MROH1: variants seen among roughly 807,000 people sequenced by gnomAD.
MROH1 encodes the protein maestro heat like repeat family member 1.
In MROH1, 117 loss-of-function variants were observed where a neutral mutation model predicts 116.5. The observed-to-expected ratio is 1.00, with a 90% CI of 0.86 to 1.17. The LOEUF (loss-of-function observed/expected upper bound fraction) is 1.17, where lower values mean the gene tolerates loss of function less well. Among genes scored for constraint, MROH1 ranks in the 50% most tolerant of loss-of-function variants. The probability of loss-of-function intolerance (pLI) is 0.00; values close to 1 mark genes in which losing one functional copy is unlikely to be tolerated. For missense variants in MROH1, 1,873 were observed against 1,338.5 expected, an observed-to-expected ratio of 1.40 and a Z score of -6.23; for synonymous variants, 921 against 583.9, an observed-to-expected ratio of 1.58 and a Z score of -8.32.
chr8:144,208,973 C>T (rs1008317582), intron 12 of MROH1, among the ~76,000 whole-genome samples: 2 of 151,948 alleles, frequency 1.3e-5, no homozygotes, highest in African/African-American at 4.8e-5. Flanking sequence ...ATCCACCTGC[C>T]TCAGCCTCCC....
intron 10 of MROH1, among the ~76,000 whole-genome samples, chr8:144,196,328 A>G (rs1447163007): frequency 1.3e-5 from 2 of 150,572 alleles, no homozygotes; most frequent in African/African-American, 4.9e-5. Context: ...TTGTTTTCTC[A>G]GTTCTCCCAA....
intron 13 of MROH1, among the ~76,000 whole-genome samples, chr8:144,221,536 G>A (rs35448156): frequency 4.2e-4 from 64 of 152,164 alleles, no homozygotes; most frequent in Non-Finnish European, 7.8e-4. Flanking sequence ...TCCAGCCTTT[G>A]TGCTGGGCCT....
intron 10 of MROH1, among the ~76,000 whole-genome samples, chr8:144,193,451 CCT>C (rs1271949169): frequency 6.6e-6 from 1 of 152,166 alleles, no homozygotes; most frequent in Non-Finnish European, 1.5e-5. Flanking sequence ...TCCAGAGCTA[CCT>C]CTTTCATTCT....
Position 144,223,040 on chromosome 8 carries a change from T to C in MROH1, c.1216-68T>C, listed in dbSNP as rs549782707. ...GGTGGGAGGAAGACTGAGGTTCCTC[T>C]CTGCTGGCTGGACTGGCATGGCAGT... On this transcript the variant is annotated intron_variant, in intron 13 of 43. Coordinates refer to ENST00000326134, the MANE Select transcript of MROH1 (RefSeq NM_032450.3). The C allele has an allele frequency of 1.4e-5, 22 of 1,598,170 alleles. No individual in the cohort carries two copies. In the African/African-American group the frequency reaches 2.4e-4, roughly 17 times the overall value.
intron 1 of MROH1, among the ~76,000 whole-genome samples, chr8:144,149,208 A>G (rs1816150752): frequency 6.6e-6 from 1 of 152,140 alleles, no homozygotes; most frequent in Non-Finnish European, 1.5e-5. Context: ...ACGTGGCTGC[A>G]TGGACAGTCT....
At chr8:144,227,771 G>A (rs1263703038) in intron 14 of MROH1, among the ~76,000 whole-genome samples, 7 of 151,852 alleles carry the variant, frequency 4.6e-5, no homozygotes, top group Admixed American at 2.0e-4. Flanking sequence ...GCAACATAGC[G>A]AGACCTTATC....
chr8:144,192,320 G>T lies in MROH1; in HGVS notation c.867G>T (p.Gln289His). The change falls in exon 10 of 44, where the codon CAG (glutamine) becomes CAT (histidine). Residue 289 changes from glutamine (Q) to histidine (H), a missense_variant. Transcript: ENST00000326134. ...ETFYLSKSLGQILEAAVSVGS... is the reference protein window; with the variant it reads ...ETFYLSKSLGHILEAAVSVGS... ...CCTACCCGGAGCAGAGCCTGGGCCA[G>T]ATCCTCGAGGCAGCTGTGAGTGTGG... is the stretch of plus-strand genomic sequence containing the variant. 1 of 1,595,368 alleles carries T rather than the reference G, an allele frequency of 6.3e-7. No homozygotes were observed. Among genetic ancestry groups the T allele is most frequent in the Non-Finnish European group, 8.5e-7 (1 of 1,173,686 alleles).
chr8:144,226,686 G>A (rs1026843550), intron 14 of MROH1, among the ~76,000 whole-genome samples: 5 of 151,020 alleles, frequency 3.3e-5, no homozygotes, highest in African/African-American at 1.2e-4. Flanking sequence ...CTCCTGGCCT[G>A]AAGTGATCCA....
chr8:144,161,760 G>T (rs1467680375), intron 2 of MROH1, among the ~76,000 whole-genome samples: 1 of 152,204 alleles, frequency 6.6e-6, no homozygotes, highest in East Asian at 1.9e-4. Context: ...CACTGGAAGG[G>T]GTGCTGCACG....
At chr8:144,168,857 C>A (rs962978649) in intron 4 of MROH1, among the ~76,000 whole-genome samples, 1 of 152,198 alleles carries the variant, frequency 6.6e-6, no homozygotes, top group East Asian at 1.9e-4. Context: ...AAGGGCCCGG[C>A]GCTGCTGGTC....
At chr8:144,192,264 C>T (rs779881974) in intron 9 of MROH1, 45 bp from the exon 10 acceptor site, 9 of 1,501,898 alleles carry the variant, frequency 6.0e-6, no homozygotes, top group Admixed American at 2.0e-5. Context: ...TCAGTTCGGG[C>T]GGCTGGAGGT....
intron 10 of MROH1, among the ~76,000 whole-genome samples, chr8:144,197,537 G>A (rs1025100050): frequency 2.2e-5 from 3 of 138,412 alleles, no homozygotes; most frequent in Non-Finnish European, 4.6e-5. Flanking sequence ...CCCGGTTCAC[G>A]CCATTCTCCT....
At chr8:144,230,698 G>T (rs1838688563) in intron 14 of MROH1, among the ~76,000 whole-genome samples, 1 of 151,360 alleles carries the variant, frequency 6.6e-6, no homozygotes, top group South Asian at 2.1e-4. Context: ...TTTTTTGGAG[G>T]AGTTTGAGAA....
intron 14 of MROH1, among the ~76,000 whole-genome samples, chr8:144,225,910 GTTT>G (rs764956904): frequency 9.1e-5 from 8 of 87,554 alleles, no homozygotes; most frequent in Admixed American, 3.1e-4. Context: ...TTCATTTTTA[GTTT>G]TTTTTTTTTT....
At chr8:144,152,339 CAT>C (rs1436145791) in intron 1 of MROH1, among the ~76,000 whole-genome samples, 4 of 151,914 alleles carry the variant, frequency 2.6e-5, no homozygotes, top group Non-Finnish European at 4.4e-5. Flanking sequence ...GTCATTTTCT[CAT>C]ATATATTATG....
intron 12 of MROH1, chr8:144,212,928 C>G: frequency 2.8e-6 from 2 of 725,756 alleles, no homozygotes; most frequent in East Asian, 2.5e-5. Flanking sequence ...TCTCAGGAAT[C>G]CAGTTCTCAA....
chr8:144,242,645 T>C lies in MROH1; in HGVS notation c.2352+17T>C. 1.3e-6 allele frequency: 1 copy of C among 779,110 alleles called. No homozygotes were observed. The highest frequency in any genetic ancestry group is 2.4e-5 in the East Asian group (1 of 41,222). 48.3% of individuals were successfully genotyped at this position (779,110 alleles called of 1,614,324 possible). A position where few individuals can be genotyped will look rare whatever the true frequency, so the allele number is the denominator to read the frequency against. Reference sequence around the variant, plus strand: ...GAAACCAAGGTACAGTGTGTAGGAATTAAGTGCTGGACTGGCTTCTCTCCT... The same window carrying C: ...GAAACCAAGGTACAGTGTGTAGGAACTAAGTGCTGGACTGGCTTCTCTCCT... On this transcript the variant is annotated intron_variant, in intron 24 of 43. Coordinates refer to ENST00000326134, the MANE Select transcript of MROH1 (RefSeq NM_032450.3).
Position 144,179,542 on chromosome 8 carries a change from A to G in MROH1, c.256A>G (p.Ser86Gly), listed in dbSNP as rs1417442383. The G allele has an allele frequency of 6.2e-7, 1 of 1,613,422 alleles. No homozygotes were observed. Among genetic ancestry groups the G allele is most frequent in the African/African-American group, 1.3e-5 (1 of 75,048 alleles). The change falls in exon 5 of 44, where the codon AGC (serine) becomes GGC (glycine). Residue 86 changes from serine to glycine, a missense_variant. Physicochemically the swap from Ser to Gly is moderately conservative, Grantham distance 56. Transcript: ENST00000326134. ...CAGTGAGCTGGACAAGGACACAGCC[A>G]GCACCATCATCCTCCTGGCCTCCAG... is the stretch of plus-strand genomic sequence containing the variant. ...RASELDKDTA[S>G]TIILLASSEM... is the part of the protein sequence containing the mutation.
At chr8:144,190,494 T>C (rs1205031145) in intron 7 of MROH1, among the ~76,000 whole-genome samples, 2 of 152,186 alleles carry the variant, frequency 1.3e-5, no homozygotes, top group Non-Finnish European at 2.9e-5. Flanking sequence ...CATTCCAGCC[T>C]GGGTGACACA....
Sources: allele counts gnomAD v4.1 joint callset (sites outside exome capture counted in the v4.1 genomes callset), GRCh38; gene constraint gnomAD v4.1.1; transcripts MANE v1.5; gene names NCBI Gene and HGNC (gene_info 2026-07-23, HGNC 2026-07-21).